PGM3: variants seen among roughly 807,000 people sequenced by gnomAD.
The protein encoded by PGM3 is phosphoacetylglucosamine mutase.
A neutral mutation model predicts 66.2 loss-of-function variants in PGM3; 40 were observed. The ratio of observed to expected loss-of-function variants is 0.60; its 90% CI spans 0.47 to 0.79. The LOEUF is 0.79. PGM3 is among the 30% of genes least tolerant of loss of function. PGM3 has a pLI of 0.00. For synonymous variants in PGM3, 191 were observed against 224.2 expected (o/e 0.85, Z 1.32); for missense variants, 537 against 643.4 (o/e 0.83, Z 1.79).
At chr6:83,157,753 A>C (rs1331849334), downstream of PGM3, among the ~76,000 whole-genome samples, 1 of 152,028 alleles carries the variant, frequency 6.6e-6, no homozygotes, top group African/African-American at 2.4e-5. Context: ...ACCCCATTTA[A>C]ACTTGCTTCA....
intron 3 of PGM3, 87 bp from the exon 4 acceptor site, chr6:83,187,162 C>T: frequency 1.3e-6 from 1 of 781,776 alleles, no homozygotes; most frequent in Non-Finnish European, 2.2e-6. Context: ...AAATTACATG[C>T]TACAAATTTC....
At chr6:83,174,734 A>C (rs1233744895) in intron 9 of PGM3, among the ~76,000 whole-genome samples, 2 of 152,234 alleles carry the variant, frequency 1.3e-5, no homozygotes, top group East Asian at 3.8e-4. Context: ...TCTGATTACA[A>C]AGAAAACACC....
intron 8 of PGM3, among the ~76,000 whole-genome samples, chr6:83,178,449 T>C (rs1286756680): frequency 6.6e-6 from 1 of 152,188 alleles, no homozygotes; most frequent in Non-Finnish European, 1.5e-5. Flanking sequence ...AGAGAAAGAA[T>C]TCCAAGTTTT....
chr6:83,186,357 T>G (rs1199630234), intron 4 of PGM3, among the ~76,000 whole-genome samples: 1 of 152,094 alleles, frequency 6.6e-6, no homozygotes, highest in Non-Finnish European at 1.5e-5. Flanking sequence ...GAGCTAGCCC[T>G]CAGCAGAGGC....
chr6:83,181,596 G>A, intron 6 of PGM3, 140 bp downstream of exon 6: 1 of 597,290 alleles, frequency 1.7e-6, no homozygotes, highest in Non-Finnish European at 2.9e-6. Flanking sequence ...TCTGAGAGTG[G>A]GAAGACTTCT....
chr6:83,173,191 C>A (rs777895065), intron 10 of PGM3, among the ~76,000 whole-genome samples: 3 of 152,202 alleles, frequency 2.0e-5, no homozygotes, highest in Non-Finnish European at 2.9e-5. Flanking sequence ...CAGCCTATAT[C>A]ATGTGCTTTC....
At position 83,166,277 on chromosome 6, in the gene PGM3, AG is replaced by A; in HGVS notation, c.*2956del. 1.7e-6 allele frequency: 1 copy of A among 575,526 alleles called. No individual in the cohort carries two copies. Among genetic ancestry groups the A allele is most frequent in the Admixed American group, 2.9e-5 (1 of 34,938 alleles). The allele number at this position is 575,526 out of a possible 1,614,324, so 35.7% of individuals were successfully genotyped here. A position where few individuals can be genotyped will look rare whatever the true frequency, so the allele number is the denominator to read the frequency against. Reference sequence around the variant, plus strand: ...TGGGCAGCTCTCTTATAGTTGTAAGAGGATCAGCTTCGATGATGTTCTCAAT... The same window carrying A: ...TGGGCAGCTCTCTTATAGTTGTAAGAGATCAGCTTCGATGATGTTCTCAAT... On this transcript the variant is annotated 3_prime_UTR_variant, in exon 13 of 13. Transcript: ENST00000513973.
At chr6:83,189,781 T>C (rs748564889) in intron 2 of PGM3, among the ~76,000 whole-genome samples, 1 of 152,228 alleles carries the variant, frequency 6.6e-6, no homozygotes, top group Non-Finnish European at 1.5e-5. Context: ...GAAAATGTGG[T>C]ATATATACAC....
At chr6:83,164,646 CT>C (rs762705990), downstream of PGM3, 66 of 1,562,574 alleles carry the variant, frequency 4.2e-5, no homozygotes, top group Non-Finnish European at 5.6e-5. Flanking sequence ...GAGTTCTCCT[CT>C]TTCCTTCCAC....
At chr6:83,187,446 T>G (rs988290871) in intron 3 of PGM3, among the ~76,000 whole-genome samples, 1 of 152,206 alleles carries the variant, frequency 6.6e-6, no homozygotes, top group Non-Finnish European at 1.5e-5. Context: ...TGTATTAAGC[T>G]GCCAAGGATA....
chr6:83,157,406 T>C (rs1385829445), downstream of PGM3: 1 of 1,393,340 alleles, frequency 7.2e-7, no homozygotes, highest in African/African-American at 1.4e-5. Flanking sequence ...TTAACGAATA[T>C]TGGGAGAGAA....
chr6:83,179,891 A>T lies in PGM3; in HGVS notation c.864T>A (p.Asp288Glu), dbSNP rs1788050718. Residue 288 changes from aspartate (D) to glutamate (E), a missense_variant, in exon 7 of 13, where the codon GAT becomes GAA. Transcript: ENST00000513973. The stretch of plus-strand genomic sequence containing the variant: ...CTATGAGATGAAAGTGGCCATCTGC[A>T]TCATGGTAGTAATAAACAATTCTGT... ...DADRIVYYYH[D>E]ADGHFHLIDG... 6.2e-7 allele frequency: 1 copy of T among 1,612,930 alleles called. No individual in the cohort carries two copies. The highest frequency in any genetic ancestry group is 8.5e-7 in the Non-Finnish European group (1 of 1,179,032).
the PGM3 span, chr6:83,152,225 C>G: frequency 2.1e-6 from 2 of 934,680 alleles, no homozygotes; most frequent in Non-Finnish European, 3.2e-6. Context: ...CACACACACA[C>G]ACACACATAA....
At chr6:83,156,811 G>T (rs1285983799), downstream of PGM3, among the ~76,000 whole-genome samples, 2 of 152,144 alleles carry the variant, frequency 1.3e-5, no homozygotes, top group African/African-American at 4.8e-5. Context: ...TATGCAAAAT[G>T]TACACTATTT....
Position 83,174,452 on chromosome 6 carries a change from T to C in PGM3, c.1164A>G (p.Lys388=), listed in dbSNP as rs1289773451. The part of the protein sequence containing the change: ...LFSTAVEMKI[K]QSAEQLEDKK... The stretch of plus-strand genomic sequence containing the variant: ...TATCTTCCAGTTGTTCTGCTGATTG[T>C]TTTATCTTCATTTCAACAGCTGTAC... Residue 388 remains lysine, a synonymous_variant, in exon 10 of 13, where the codon AAA becomes AAG. Transcript: ENST00000513973. The C allele has an allele frequency of 6.2e-7, 1 of 1,603,920 alleles. No individual in the cohort carries two copies. Among genetic ancestry groups the C allele is most frequent in the African/African-American group, 1.3e-5 (1 of 74,386 alleles).
rs1295147232 is a variant in PGM3 at position 83,191,013 on chromosome 6, G to T, written c.-1C>A. ...ATTTTGTAATAGCACCTAAATCCAT[G>T]TCTACAAAATTAAGAAATATTGTTT... On this transcript the variant is annotated splice_region_variant and 5_prime_UTR_variant, in exon 2 of 13. Coordinates refer to ENST00000513973, the MANE Select transcript of PGM3 (RefSeq NM_015599.3). 6.2e-7 allele frequency: 1 copy of T among 1,611,502 alleles called. No homozygotes were observed. The highest frequency in any genetic ancestry group is 1.7e-5 in the Admixed American group (1 of 60,014).
At chr6:83,181,709 A>T in intron 6 of PGM3, 27 bp downstream of exon 6, 1 of 1,533,722 alleles carries the variant, frequency 6.5e-7, no homozygotes, top group South Asian at 1.2e-5. Context: ...ATTAAAAACA[A>T]ATTTTTGCAG....
rs1279062471 is a variant in PGM3 at position 83,165,784 on chromosome 6, C to T, written c.*3450G>A. The T allele has an allele frequency of 1.4e-5, 4 of 279,916 alleles. No homozygotes were observed. The highest frequency in any genetic ancestry group is 2.9e-5 in the Non-Finnish European group (4 of 138,298). The allele number at this position is 279,916 out of a possible 1,614,324, so 17.3% of individuals were successfully genotyped here. A position where few individuals can be genotyped will look rare whatever the true frequency, so the allele number is the denominator to read the frequency against. ...AGCGTTGGTTGTGCAACGTGCGGCC[C>T]AGTGTTGTCGTGAAAAGAATTGGGC... On this transcript the variant is annotated 3_prime_UTR_variant, in exon 13 of 13. Coordinates refer to ENST00000513973, the MANE Select transcript of PGM3 (RefSeq NM_015599.3).
At chr6:83,193,585 C>CT (rs977438858), upstream of PGM3, 1 of 152,058 alleles carries the variant, frequency 6.6e-6, no homozygotes, top group Non-Finnish European at 1.5e-5. Flanking sequence ...GCCGGGGTTC[C>CT]TAGTGGTCTT....
Sources: allele counts gnomAD v4.1 joint callset (sites outside exome capture counted in the v4.1 genomes callset), GRCh38; gene constraint gnomAD v4.1.1; transcripts MANE v1.5; gene names NCBI Gene and HGNC (gene_info 2026-07-23, HGNC 2026-07-21).